PIK3C3: variants seen among roughly 807,000 people sequenced by gnomAD.
The protein encoded by PIK3C3 is PI3-kinase type 3.
Under a neutral mutation model 126.1 loss-of-function variants are expected in PIK3C3, and 95 were observed. The observed-to-expected ratio is 0.75, with a 90% confidence interval of 0.64 to 0.89. PIK3C3 has a LOEUF of 0.89. Ranked by LOEUF, PIK3C3 falls within the 40% of genes least tolerant of loss-of-function variation. PIK3C3 has a pLI of 0.00. For missense variants in PIK3C3, 829 were observed against 1,063.2 expected (o/e 0.78, Z 3.06); for synonymous variants, 374 against 360.0 (o/e 1.04, Z -0.44).
chr18:41,966,525 A>G (rs974057207), intron 3 of PIK3C3, among the ~76,000 whole-genome samples: 2 of 151,858 alleles, frequency 1.3e-5, no homozygotes, highest in Non-Finnish European at 2.9e-5. Context: ...TTAAACTTCC[A>G]CTTATTTTAA....
intron 5 of PIK3C3, among the ~76,000 whole-genome samples, chr18:41,988,961 A>G (rs931998000): frequency 3.3e-5 from 5 of 152,152 alleles, no homozygotes; most frequent in Admixed American, 6.6e-5. Context: ...ATATTTTTAC[A>G]TTTTAATTTC....
rs200427206 is a variant in PIK3C3, at chr18:42,081,158, G to T, written c.*21G>T. 183 of 1,567,788 alleles carry T rather than the reference G, an allele frequency of 1.2e-4. No homozygotes were observed. The African/African-American group carries it at 2.2e-3, about 19-fold the overall frequency. The stretch of plus-strand genomic sequence containing the variant: ...AATGAAACTGGGATTGACCCATCAA[G>T]ATGCTTGGCTCAATAAGAAAACCAC... On this transcript the variant is annotated 3_prime_UTR_variant, in exon 25 of 25. Transcript: ENST00000262039.
chr18:41,979,137 C>T (rs914788560), intron 4 of PIK3C3, among the ~76,000 whole-genome samples: 1 of 150,090 alleles, frequency 6.7e-6, no homozygotes, highest in Non-Finnish European at 1.5e-5. Context: ...GGCCTGCTTG[C>T]AAGGTTGGCC....
intron 4 of PIK3C3, among the ~76,000 whole-genome samples, chr18:41,975,782 C>T (rs529807440): frequency 6.6e-6 from 1 of 151,242 alleles, no homozygotes; most frequent in East Asian, 2.0e-4. Context: ...TCACTGCAAG[C>T]TCCACCTCCC....
At chr18:42,022,443 T>A (rs182430409) in intron 13 of PIK3C3, among the ~76,000 whole-genome samples, 38 of 152,308 alleles carry the variant, frequency 2.5e-4, no homozygotes, top group African/African-American at 8.9e-4. Flanking sequence ...GCTTCATCCA[T>A]GTCCCTACAA....
At position 42,041,411 on chromosome 18, in the gene PIK3C3, C is replaced by G. The variant is rs963999913; in HGVS notation, c.2103+670C>G. ...AATTATTTAAGACCCCCTATCCTCT[C>G]CCTTCAACCTATTGCTCCCCTTTAA... On this transcript the variant is annotated intron_variant, in intron 19 of 24. Transcript: ENST00000262039. Among the ~76,000 whole-genome samples the G allele has an allele frequency of 7.3e-5, 11 of 151,632 alleles. No homozygotes were observed. The East Asian group carries it at 2.1e-3, about 29-fold the overall frequency.
intron 4 of PIK3C3, chr18:41,970,734 A>C: frequency 1.8e-6 from 1 of 559,536 alleles, no homozygotes; most frequent in Non-Finnish European, 3.2e-6. Flanking sequence ...ATTAACAGTC[A>C]CTCCCATTTT....
At chr18:42,000,904 T>C (rs1262422663) in intron 9 of PIK3C3, among the ~76,000 whole-genome samples, 2 of 152,116 alleles carry the variant, frequency 1.3e-5, no homozygotes, top group African/African-American at 4.8e-5. Context: ...AAGATGAGAT[T>C]TGGGTGGGGA....
In PIK3C3 at chr18:42,084,510, A is replaced by T. The variant is rs1471746710; in HGVS notation, c.*3373A>T. ...TGCATACCACCTGATCCAGGATGGG[A>T]TCCAGGAACAGAAAAAGAACATTAG... On this transcript the variant is annotated 3_prime_UTR_variant, in exon 25 of 25. Coordinates refer to ENST00000262039, the MANE Select transcript of PIK3C3 (RefSeq NM_002647.4). The T allele has an allele frequency of 1.3e-5, 2 of 150,216 alleles. No homozygotes were observed. The highest frequency in any genetic ancestry group is 2.4e-5 in the African/African-American group (1 of 40,918). 9.3% of individuals were successfully genotyped at this position (150,216 alleles called of 1,614,324 possible).
chr18:42,006,338 G>A, intron 10 of PIK3C3, among the ~76,000 whole-genome samples: 1 of 145,180 alleles, frequency 6.9e-6, no homozygotes, highest in South Asian at 2.3e-4. Flanking sequence ...CTCTCAGAAT[G>A]CTGTGCTTTT....
intron 10 of PIK3C3, among the ~76,000 whole-genome samples, chr18:42,005,162 A>G (rs777267440): frequency 3.3e-5 from 5 of 152,058 alleles, no homozygotes; most frequent in Non-Finnish European, 7.4e-5. Flanking sequence ...TCCTTAGGGG[A>G]TTTCATCTTT....
At chr18:42,077,376 C>A (rs891784695) in intron 24 of PIK3C3, among the ~76,000 whole-genome samples, 1 of 152,180 alleles carries the variant, frequency 6.6e-6, no homozygotes, top group Non-Finnish European at 1.5e-5. Flanking sequence ...GCATTTTGCC[C>A]AGAGTAGAAC....
chr18:42,000,927 A>G (rs1044582453), intron 9 of PIK3C3, among the ~76,000 whole-genome samples: 1 of 152,212 alleles, frequency 6.6e-6, no homozygotes, highest in Non-Finnish European at 1.5e-5. Context: ...CAGCCACACC[A>G]TATCAGTAAG....
At chr18:42,010,995 C>T (rs540185192) in intron 10 of PIK3C3, among the ~76,000 whole-genome samples, 1 of 152,354 alleles carries the variant, frequency 6.6e-6, no homozygotes, top group Admixed American at 6.5e-5. Flanking sequence ...TGATCAGGTA[C>T]ATTGTCTATG....
At chr18:41,988,556 C>T (rs924996828) in intron 5 of PIK3C3, among the ~76,000 whole-genome samples, 34 of 152,210 alleles carry the variant, frequency 2.2e-4, no homozygotes, top group African/African-American at 7.9e-4. Context: ...GAGAGAAGGA[C>T]ATCAATTTGT....
Position 41,962,607 on chromosome 18 carries a change from A to T in PIK3C3, c.376A>T (p.Thr126Ser), listed in dbSNP as rs151123700. 496 of 1,611,634 alleles carry T rather than the reference A, an allele frequency of 3.1e-4. No individual in the cohort carries two copies. Among genetic ancestry groups the T allele is most frequent in the Non-Finnish European group, 4.0e-4 (476 of 1,178,508 alleles). ...PGKAVPVGGT[T>S]VSLFGKYGMF... Reference sequence around the variant, plus strand: ...AAAAGCAGTGCCTGTAGGAGGAACAACGGTTTCGCTCTTTGGAAAATACGG... The same window carrying T: ...AAAAGCAGTGCCTGTAGGAGGAACATCGGTTTCGCTCTTTGGAAAATACGG... Residue 126 changes from threonine to serine, a missense_variant, in exon 3 of 25, where the codon ACG becomes TCG. Thr to Ser is a moderately conservative substitution (Grantham distance 58). Around this residue, in one of 4 missense-constraint regions of PIK3C3, gnomAD observed 313 missense variants for 340.7 expected, o/e 0.92. Transcript: ENST00000262039.
At chr18:41,962,147 G>A (rs1980120675) in intron 2 of PIK3C3, among the ~76,000 whole-genome samples, 2 of 152,066 alleles carry the variant, frequency 1.3e-5, no homozygotes. Flanking sequence ...GTTTTGAAGA[G>A]TGGTTAAAGA....
chr18:41,961,443 T>G (rs1279422790), intron 2 of PIK3C3, among the ~76,000 whole-genome samples: 1 of 152,190 alleles, frequency 6.6e-6, no homozygotes, highest in Non-Finnish European at 1.5e-5. Context: ...ATTAAAAAAG[T>G]ATTTCATAGA....
At chr18:41,993,238 T>C (rs1391907794) in intron 6 of PIK3C3, 32 bp from the exon 7 acceptor site, 1 of 1,439,502 alleles carries the variant, frequency 6.9e-7, no homozygotes, top group Non-Finnish European at 9.7e-7. Context: ...ATTAAATTTC[T>C]TTTTTTAAAA....
Sources: allele counts gnomAD v4.1 joint callset (sites outside exome capture counted in the v4.1 genomes callset), GRCh38; gene constraint gnomAD v4.1.1; regional missense constraint gnomAD v4.1.1; transcripts MANE v1.5; gene names NCBI Gene and HGNC (gene_info 2026-07-23, HGNC 2026-07-21).